Variants in CALN1 observed in about 807,000 individuals in gnomAD.
CALN1 encodes the protein calneuron 1.
A neutral mutation model predicts 30.6 loss-of-function variants in CALN1; 17 were observed. That is an observed-to-expected ratio of 0.56 (90% CI 0.38 to 0.83). The LOEUF (loss-of-function observed/expected upper bound fraction) is 0.83. CALN1 is among the 40% of genes least tolerant of loss of function. CALN1 has a pLI of 0.00. For synonymous variants in CALN1, 156 were observed against 131.4 expected, an observed-to-expected ratio of 1.19 and a Z score of -1.28; for missense variants, 291 against 354.9, an observed-to-expected ratio of 0.82 and a Z score of 1.45.
intron 2 of CALN1, among the ~76,000 whole-genome samples, chr7:72,372,443 C>T (rs1019918440): frequency 2.0e-5 from 3 of 152,040 alleles, no homozygotes; most frequent in African/African-American, 7.2e-5. Context: ...GGAGAGCCAA[C>T]AAAGGGAGTA....
chr7:71,823,844 G>T (rs6979295), intron 5 of CALN1, among the ~76,000 whole-genome samples: 1 of 152,146 alleles, frequency 6.6e-6, no homozygotes, highest in Non-Finnish European at 1.5e-5. Context: ...GGCAGAAGAC[G>T]AAGGAAGAAC....
At chr7:72,351,875 G>A (rs2129559320) in intron 2 of CALN1, among the ~76,000 whole-genome samples, 1 of 152,106 alleles carries the variant, frequency 6.6e-6, no homozygotes, top group East Asian at 1.9e-4. Context: ...TACCAAATTT[G>A]GCCATATTAA....
chr7:71,836,457 T>C (rs970561498), intron 5 of CALN1, among the ~76,000 whole-genome samples: 4 of 152,158 alleles, frequency 2.6e-5, no homozygotes, highest in African/African-American at 9.7e-5. Flanking sequence ...GCAGTGGTGC[T>C]GACTCCAGGT....
chr7:72,453,993 A>AAAAAAAAAAAATATAT, the CALN1 span, among the ~76,000 whole-genome samples: 3 of 148,138 alleles, frequency 2.0e-5, no homozygotes, highest in African/African-American at 7.5e-5. Flanking sequence ...ACAACCAAAA[A>AAAAAAAAAAAATATAT]ATATATATAT....
intron 3 of CALN1, among the ~76,000 whole-genome samples, chr7:72,197,062 A>C (rs1343707398): frequency 6.6e-6 from 1 of 151,782 alleles, no homozygotes; most frequent in Non-Finnish European, 1.5e-5. Context: ...CCTCTGGGTA[A>C]TTTTGAGTGA....
intron 5 of CALN1, among the ~76,000 whole-genome samples, chr7:71,878,814 C>A (rs1270637982): frequency 6.6e-6 from 1 of 152,234 alleles, no homozygotes; most frequent in Non-Finnish European, 1.5e-5. Context: ...CCCCTGCTGT[C>A]CTTCCCTCCA....
At chr7:72,196,179 G>A (rs1272122156) in intron 3 of CALN1, among the ~76,000 whole-genome samples, 29 of 151,922 alleles carry the variant, frequency 1.9e-4, no homozygotes, top group Non-Finnish European at 1.2e-4. Flanking sequence ...GCGCAGTGGC[G>A]AGATCTCGGC....
At chr7:72,340,293 A>C (rs1471624592) in intron 2 of CALN1, among the ~76,000 whole-genome samples, 1 of 152,120 alleles carries the variant, frequency 6.6e-6, no homozygotes, top group Admixed American at 6.5e-5. Context: ...GGCTGGTCTC[A>C]AACTCCTGGC....
Position 72,106,163 on chromosome 7 carries a change from A to T in CALN1, c.376T>A (p.Leu126Met). 1 of 1,613,906 alleles carries T rather than the reference A, an allele frequency of 6.2e-7. No individual in the cohort carries two copies. The highest frequency in any genetic ancestry group is 8.5e-7 in the Non-Finnish European group (1 of 1,179,962). The change falls in exon 4 of 7, where the codon TTG (leucine) becomes ATG (methionine). Residue 126 changes from leucine (L) to methionine (M), a missense_variant. Leu to Met is a conservative substitution (Grantham distance 15). Transcript: ENST00000395275. ...EVELAIIMQR[L>M]DMDGDGQVDF... ...GTCCGGGTCTTACCGTCCATGTCCA[A>T]GCGCTGCATGATGATGGCCAGCTCC...
At chr7:72,440,353 A>G (rs992892978) in intron 1 of CALN1, among the ~76,000 whole-genome samples, 10 of 152,208 alleles carry the variant, frequency 6.6e-5, no homozygotes, top group Non-Finnish European at 1.5e-5. Flanking sequence ...CTGACCAGAA[A>G]GTTCTGATCA....
chr7:72,170,608 A>AGG (rs778718345), intron 3 of CALN1, among the ~76,000 whole-genome samples: 1 of 152,198 alleles, frequency 6.6e-6, no homozygotes, highest in Non-Finnish European at 1.5e-5. Context: ...GCACGCACAT[A>AGG]AAGAGAGTCC....
chr7:72,279,323 G>C (rs2129554110), intron 2 of CALN1, among the ~76,000 whole-genome samples: 1 of 152,264 alleles, frequency 6.6e-6, no homozygotes, highest in East Asian at 1.9e-4. Context: ...AAATGCCCAA[G>C]CTCTAAGTAA....
intron 3 of CALN1, among the ~76,000 whole-genome samples, chr7:72,204,215 T>G (rs1012346479): frequency 6.6e-6 from 1 of 151,490 alleles, no homozygotes; most frequent in Non-Finnish European, 1.5e-5. Flanking sequence ...CAGGATGGTC[T>G]CCATCTCCTG....
chr7:71,969,539 A>G (rs954583521), intron 5 of CALN1, among the ~76,000 whole-genome samples: 2 of 152,174 alleles, frequency 1.3e-5, no homozygotes, highest in African/African-American at 4.8e-5. Flanking sequence ...TAAAAACATA[A>G]TTCATTAAGG....
At chr7:72,364,187 T>G (rs2968502) in intron 2 of CALN1, among the ~76,000 whole-genome samples, 149,842 of 152,290 alleles carry the variant, frequency 0.98, 73,753 homozygotes, top group Middle Eastern at 1. Flanking sequence ...GATAAGAAAA[T>G]ACTTTTGTAA....
intron 5 of CALN1, among the ~76,000 whole-genome samples, chr7:71,970,808 C>T (rs1204546717): frequency 6.6e-6 from 1 of 152,140 alleles, no homozygotes; most frequent in Non-Finnish European, 1.5e-5. Flanking sequence ...TCCTATTTGA[C>T]AAGGCCCAGT....
the CALN1 span, among the ~76,000 whole-genome samples, chr7:72,458,945 C>G: frequency 6.8e-6 from 1 of 148,050 alleles, no homozygotes; most frequent in African/African-American, 2.5e-5. Context: ...GAGTCTTACT[C>G]TGTCGCCCAG....
chr7:72,027,094 T>C (rs147157289), intron 4 of CALN1, among the ~76,000 whole-genome samples: 296 of 152,298 alleles, frequency 1.9e-3, no homozygotes, highest in African/African-American at 6.5e-3. Context: ...TAGCCAATGT[T>C]AGATATTACA....
At chr7:72,389,380 A>G (rs1805434756) in intron 2 of CALN1, among the ~76,000 whole-genome samples, 1 of 152,186 alleles carries the variant, frequency 6.6e-6, no homozygotes, top group Admixed American at 6.5e-5. Context: ...TTAAGCCTTA[A>G]AAGTGTCCGA....
Sources: gnomAD v4.1 joint callset for allele counts (sites outside exome capture counted in the v4.1 genomes callset) on GRCh38, gnomAD v4.1.1 for gene constraint, MANE v1.5 for transcripts, NCBI Gene and HGNC (gene_info 2026-07-23, HGNC 2026-07-21) for gene names.